Variants in MAP4K3 observed in about 807,000 individuals in gnomAD.
MAP4K3 encodes the protein mitogen-activated protein kinase kinase kinase kinase 3, also known as MAPK/ERK kinase kinase kinase 3.
A neutral mutation model predicts 143.5 loss-of-function variants in MAP4K3; 94 were observed. That is an observed-to-expected ratio of 0.65 (90% CI 0.55 to 0.78). The LOEUF is 0.78. Ranked by LOEUF, MAP4K3 falls within the 30% of genes least tolerant of loss-of-function variation. The probability of loss-of-function intolerance (pLI) is 0.00; values close to 1 mark genes in which losing one functional copy is unlikely to be tolerated. For missense variants in MAP4K3, 1,077 were observed against 1,068.1 expected (o/e 1.01, Z -0.12); for synonymous variants, 416 against 347.2 (o/e 1.20, Z -2.20).
intron 23 of MAP4K3, among the ~76,000 whole-genome samples, chr2:39,279,056 G>C (rs2148463300): frequency 1.3e-5 from 2 of 152,198 alleles, no homozygotes; most frequent in Middle Eastern, 6.8e-3. Context: ...TTGTTTCCCA[G>C]AGCAGGAGCA....
At chr2:39,340,575 T>C (rs1029414934) in intron 4 of MAP4K3, among the ~76,000 whole-genome samples, 1 of 152,192 alleles carries the variant, frequency 6.6e-6, no homozygotes, top group African/African-American at 2.4e-5. Flanking sequence ...CCTATTTCTG[T>C]AACGAAACTG....
At chr2:39,310,774 C>T (rs1019081947) in intron 13 of MAP4K3, among the ~76,000 whole-genome samples, 5 of 152,078 alleles carry the variant, frequency 3.3e-5, no homozygotes, top group African/African-American at 9.7e-5. Flanking sequence ...TTAACAACAG[C>T]CATTTAAACT....
At chr2:39,291,310 C>T (rs892668618) in intron 18 of MAP4K3, among the ~76,000 whole-genome samples, 1 of 152,098 alleles carries the variant, frequency 6.6e-6, no homozygotes, top group Non-Finnish European at 1.5e-5. Flanking sequence ...GGGTAATACA[C>T]TTTCTTGGTT....
intron 19 of MAP4K3, 61 bp downstream of exon 19, chr2:39,290,231 A>C (rs1298154677): frequency 8.0e-7 from 1 of 1,247,652 alleles, no homozygotes; most frequent in Non-Finnish European, 1.1e-6. Context: ...ACTCTCAACA[A>C]AGTATTAAAT....
intron 3 of MAP4K3, among the ~76,000 whole-genome samples, chr2:39,354,489 G>C (rs1396265469): frequency 1.3e-5 from 2 of 151,756 alleles, no homozygotes; most frequent in South Asian, 2.1e-4. Flanking sequence ...GTGGTGGCGT[G>C]TGCCTATCGT....
At chr2:39,377,915 T>A (rs1445906881) in intron 2 of MAP4K3, 151 bp downstream of exon 2, 1 of 613,204 alleles carries the variant, frequency 1.6e-6, no homozygotes, top group Non-Finnish European at 2.9e-6. Flanking sequence ...ATGCAGAACT[T>A]GAAGAAGTGG....
chr2:39,302,831 T>G (rs949968943), intron 15 of MAP4K3, among the ~76,000 whole-genome samples: 4 of 152,202 alleles, frequency 2.6e-5, no homozygotes, highest in African/African-American at 7.2e-5. Flanking sequence ...AAGTTCAAGA[T>G]CGTTATCCTA....
chr2:39,342,200 G>A (rs965239016), intron 4 of MAP4K3, among the ~76,000 whole-genome samples: 1 of 151,708 alleles, frequency 6.6e-6, no homozygotes, highest in African/African-American at 2.4e-5. Context: ...GTCCAACGGT[G>A]CAATCTTGGC....
intron 2 of MAP4K3, among the ~76,000 whole-genome samples, chr2:39,359,822 G>A (rs564831736): frequency 4.6e-5 from 7 of 152,330 alleles, no homozygotes; most frequent in South Asian, 2.1e-4. Context: ...CGGCTGGAGC[G>A]GCTAGGATGC....
chr2:39,368,407 T>G (rs1441233760), intron 2 of MAP4K3, among the ~76,000 whole-genome samples: 1 of 152,132 alleles, frequency 6.6e-6, no homozygotes, highest in African/African-American at 2.4e-5. Context: ...TGGCTCATGT[T>G]TGTAATCTCA....
At chr2:39,414,787 GA>G (rs1234444868) in intron 1 of MAP4K3, among the ~76,000 whole-genome samples, 1 of 151,816 alleles carries the variant, frequency 6.6e-6, no homozygotes, top group Non-Finnish European at 1.5e-5. Flanking sequence ...TGGGGCAGGA[GA>G]ATCACTTGAA....
At chr2:39,348,511 T>C (rs1033818112) in intron 3 of MAP4K3, among the ~76,000 whole-genome samples, 2 of 152,320 alleles carry the variant, frequency 1.3e-5, no homozygotes, top group East Asian at 1.9e-4. Context: ...TTTCTTATAA[T>C]GACAAATCTA....
At chr2:39,393,847 C>T (rs1252206752) in intron 1 of MAP4K3, among the ~76,000 whole-genome samples, 3 of 151,996 alleles carry the variant, frequency 2.0e-5, no homozygotes, top group African/African-American at 4.8e-5. Context: ...ATGGGTTTCA[C>T]ATTACACAAA....
intron 2 of MAP4K3, among the ~76,000 whole-genome samples, chr2:39,360,982 T>C (rs1412335894): frequency 6.6e-6 from 1 of 152,210 alleles, no homozygotes; most frequent in Non-Finnish European, 1.5e-5. Flanking sequence ...AAAGGTCCCT[T>C]ATTTCTGTCA....
At chr2:39,307,030 T>C (rs932474857) in intron 15 of MAP4K3, among the ~76,000 whole-genome samples, 3 of 152,246 alleles carry the variant, frequency 2.0e-5, no homozygotes, top group African/African-American at 7.2e-5. Context: ...GGAAATTATG[T>C]CTAAAATCTC....
At chr2:39,436,730 T>C in intron 1 of MAP4K3, 162 bp downstream of exon 1, 2 of 620,174 alleles carry the variant, frequency 3.2e-6, no homozygotes, top group East Asian at 5.8e-5. Flanking sequence ...TTCGGCCCTT[T>C]GTTCACCAAG....
intron 16 of MAP4K3, among the ~76,000 whole-genome samples, chr2:39,297,166 G>A (rs1169830314): frequency 6.6e-6 from 1 of 150,938 alleles, no homozygotes; most frequent in Non-Finnish European, 1.5e-5. Flanking sequence ...CGCCCAGGCT[G>A]GAGTGCAATG....
At chr2:39,402,842 T>C (rs752900749) in intron 1 of MAP4K3, among the ~76,000 whole-genome samples, 3 of 151,798 alleles carry the variant, frequency 2.0e-5, no homozygotes, top group Non-Finnish European at 4.4e-5. Context: ...AGACACAAAT[T>C]TACCAATGTT....
chr2:39,298,149 T>TTA (rs1311512947), intron 16 of MAP4K3, among the ~76,000 whole-genome samples: 1 of 152,112 alleles, frequency 6.6e-6, no homozygotes, highest in Non-Finnish European at 1.5e-5. Flanking sequence ...GACTTCATAT[T>TTA]TAGAGAAAAT....
Sources: allele counts gnomAD v4.1 joint callset (sites outside exome capture counted in the v4.1 genomes callset), GRCh38; gene constraint gnomAD v4.1.1; transcripts MANE v1.5; gene names NCBI Gene and HGNC (gene_info 2026-07-23, HGNC 2026-07-21).